Variants in SLC8A3 observed in about 807,000 individuals in gnomAD.
The protein encoded by SLC8A3 is sodium/calcium exchanger 3.
Under a neutral mutation model 65.4 loss-of-function variants are expected in SLC8A3, and 37 were observed. The ratio of observed to expected loss-of-function variants is 0.57; its 90% confidence interval spans 0.44 to 0.74. The LOEUF (loss-of-function observed/expected upper bound fraction) is 0.74, where lower values mean the gene tolerates loss of function less well. Among genes scored for constraint, SLC8A3 ranks in the 30% least tolerant of loss-of-function variants. SLC8A3 has a pLI of 0.00. For missense variants in SLC8A3, 1,112 were observed against 1,172.1 expected (o/e 0.95, Z 0.75); for synonymous variants, 461 against 444.5 (o/e 1.04, Z -0.47).
rs74062826 is a variant in SLC8A3 at position 70,169,690 on chromosome 14, G to A, written c.-62-1206C>T. Among the ~76,000 whole-genome samples the A allele has an allele frequency of 4.7e-3, 79 of 16,890 alleles. 1 individual carries two copies. Among genetic ancestry groups the A allele is most frequent in the East Asian group, 0.033 (6 of 184 alleles). 11.1% of individuals were successfully genotyped at this position (16,890 alleles called of 152,430 possible). ...ATGGAATAGCTAAAAAAAAAAAAAA[G>A]TGGGGGGGGGGGCGATCTTTCTCCC... On this transcript the variant is annotated intron_variant, in intron 1 of 6. Transcript: ENST00000356921.
In SLC8A3 at chr14:70,167,407, G is replaced by C; in HGVS notation, c.1016C>G (p.Ala339Gly). ...EKDLDQLVEM[A>G]NYYALSHQQK... Reference sequence around the variant, plus strand: ...TTGGTGGGAAAGAGCATAGTAATTGGCCATCTCCACCAGCTGATCTAAGTC... The same window carrying C: ...TTGGTGGGAAAGAGCATAGTAATTGCCCATCTCCACCAGCTGATCTAAGTC... Residue 339 changes from alanine (A) to glycine (G), a missense_variant, in exon 2 of 7, where the codon GCC becomes GGC. By Grantham distance (60) the Ala-to-Gly change is moderately conservative. Coordinates refer to ENST00000356921, the MANE Select transcript of SLC8A3 (RefSeq NM_182932.3). 1 of 1,614,080 alleles carries C rather than the reference G, an allele frequency of 6.2e-7. No homozygotes were observed.
chr14:70,058,788 T>G (rs947975583), intron 3 of SLC8A3, among the ~76,000 whole-genome samples: 1 of 152,216 alleles, frequency 6.6e-6, no homozygotes, highest in African/African-American at 2.4e-5. Context: ...TCCTCTTGTC[T>G]GGAACCACTG....
At chr14:70,174,651 G>GGTTTTTTT (rs1555385182) in intron 1 of SLC8A3, among the ~76,000 whole-genome samples, 10 of 90,362 alleles carry the variant, frequency 1.1e-4, no homozygotes, top group African/African-American at 4.4e-4. Context: ...GACCAAATCC[G>GGTTTTTTT]TTTTTTTTTT....
At chr14:70,179,023 T>A (rs535490097) in intron 1 of SLC8A3, among the ~76,000 whole-genome samples, 1 of 152,318 alleles carries the variant, frequency 6.6e-6, no homozygotes, top group East Asian at 1.9e-4. Flanking sequence ...TTTGTTTTGC[T>A]CCACCCATAC....
chr14:70,063,919 GA>G, intron 2 of SLC8A3: 2 of 1,592,686 alleles, frequency 1.3e-6, no homozygotes, highest in Non-Finnish European at 1.7e-6. Flanking sequence ...ACCTTGATGT[GA>G]ATTGTTTTGC....
chr14:70,183,980 C>T (rs1882970340), intron 1 of SLC8A3, among the ~76,000 whole-genome samples: 1 of 152,220 alleles, frequency 6.6e-6, no homozygotes, highest in Non-Finnish European at 1.5e-5. Flanking sequence ...TTGCAGTCAG[C>T]TCTTTCTTCT....
At chr14:70,099,156 T>C (rs956368093) in intron 2 of SLC8A3, among the ~76,000 whole-genome samples, 1 of 152,146 alleles carries the variant, frequency 6.6e-6, no homozygotes, top group Non-Finnish European at 1.5e-5. Context: ...ATTTTTCACA[T>C]CCCGAGAAGG....
At chr14:70,187,968 T>C (rs1017837584) in intron 1 of SLC8A3, among the ~76,000 whole-genome samples, 1 of 152,052 alleles carries the variant, frequency 6.6e-6, no homozygotes, top group African/African-American at 2.4e-5. Flanking sequence ...CTGGCCCAGG[T>C]GGCACACATA....
chr14:70,048,512 C>A, intron 6 of SLC8A3: 1 of 621,250 alleles, frequency 1.6e-6, no homozygotes, highest in Non-Finnish European at 2.9e-6. Context: ...CTTTGGGAAA[C>A]ATTACAGGGG....
chr14:70,169,506 GAC>G (rs1354057436), intron 1 of SLC8A3, among the ~76,000 whole-genome samples: 1 of 152,156 alleles, frequency 6.6e-6, no homozygotes, highest in Non-Finnish European at 1.5e-5. Flanking sequence ...TTAAACTAGA[GAC>G]AAGATTTTGG....
chr14:70,068,381 T>C (rs1477691635), intron 2 of SLC8A3, among the ~76,000 whole-genome samples: 1 of 152,168 alleles, frequency 6.6e-6, no homozygotes, highest in East Asian at 1.9e-4. Flanking sequence ...TGTTTCATTC[T>C]TCTTATTTAT....
chr14:70,052,145 A>G, intron 3 of SLC8A3, 31 bp from the exon 4 acceptor site: 7 of 1,572,290 alleles, frequency 4.5e-6, no homozygotes, highest in Non-Finnish European at 6.0e-6. Flanking sequence ...ACTCGCTTTA[A>G]CACCTTTTCC....
chr14:70,054,322 A>C (rs1413741518), intron 3 of SLC8A3, among the ~76,000 whole-genome samples: 1 of 152,186 alleles, frequency 6.6e-6, no homozygotes, highest in African/African-American at 2.4e-5. Context: ...GGAAAATTAA[A>C]ACCAGTATTT....
intron 2 of SLC8A3, among the ~76,000 whole-genome samples, chr14:70,136,456 C>A (rs1188761492): frequency 2.6e-5 from 4 of 152,184 alleles, no homozygotes; most frequent in African/African-American, 7.2e-5. Flanking sequence ...ACCTCACTCA[C>A]CTTTTGTGCC....
At chr14:70,075,154 C>CGTGCGTGT (rs1182452286) in intron 2 of SLC8A3, among the ~76,000 whole-genome samples, 5 of 151,822 alleles carry the variant, frequency 3.3e-5, no homozygotes, top group Non-Finnish European at 7.4e-5. Context: ...CATGTGTGTG[C>CGTGCGTGT]GTGCGTGTGT....
chr14:70,048,695 T>G, intron 6 of SLC8A3, 72 bp downstream of exon 6: 46 of 1,299,906 alleles, frequency 3.5e-5, no homozygotes, highest in Non-Finnish European at 4.6e-5. Flanking sequence ...TGGAAGATAA[T>G]GAGATGGAGT....
Position 70,167,184 on chromosome 14 carries a change from A to C in SLC8A3, c.1239T>G (p.Ala413=). The C allele has an allele frequency of 6.2e-7, 1 of 1,614,130 alleles. No homozygotes were observed. The highest frequency in any genetic ancestry group is 8.5e-7 in the Non-Finnish European group (1 of 1,179,978). Residue 413 remains alanine (A), a synonymous_variant, in exon 2 of 7, where the codon GCT becomes GCG. Transcript: ENST00000356921. ...CTTTCCTCACCACTGTCAGGAGTAC[A>C]GCCCCACAGTTCTCCAGGCACTGGT... ...CSYQCLENCG[A]VLLTVVRKGG... is the part of the protein sequence containing the mutation.
chr14:70,084,414 G>A (rs552365137), intron 2 of SLC8A3, among the ~76,000 whole-genome samples: 3 of 152,182 alleles, frequency 2.0e-5, no homozygotes, highest in Non-Finnish European at 4.4e-5. Context: ...CTGTGAGCGG[G>A]TGGTTATCTT....
chr14:70,091,044 G>A (rs958843701), intron 2 of SLC8A3, among the ~76,000 whole-genome samples: 1 of 152,176 alleles, frequency 6.6e-6, no homozygotes, highest in African/African-American at 2.4e-5. Context: ...ATTGATGGAT[G>A]AGGGATTTCA....
Sources: gnomAD v4.1 joint callset for allele counts (sites outside exome capture counted in the v4.1 genomes callset) on GRCh38, gnomAD v4.1.1 for gene constraint, MANE v1.5 for transcripts, NCBI Gene and HGNC (gene_info 2026-07-23, HGNC 2026-07-21) for gene names.